Variants in IPO11 observed in about 807,000 individuals in gnomAD.
IPO11 encodes importin 11, also known as importin-11.
Under a neutral mutation model 143.2 loss-of-function variants are expected in IPO11, and 66 were observed. The ratio of observed to expected loss-of-function variants is 0.46; its 90% CI spans 0.38 to 0.57. The LOEUF is 0.57. IPO11 is among the 20% of genes least tolerant of loss of function. IPO11 has a pLI of 0.00. For synonymous variants in IPO11, 385 were observed against 377.8 expected (o/e 1.02, Z -0.22); for missense variants, 1,026 against 1,141.0 (o/e 0.90, Z 1.45).
intron 27 of IPO11, among the ~76,000 whole-genome samples, chr5:62,574,521 A>T (rs534465246): frequency 6.6e-6 from 1 of 152,338 alleles, no homozygotes; most frequent in East Asian, 1.9e-4. Context: ...ATAGGGTCAG[A>T]AGAGAGATTA....
intron 19 of IPO11, among the ~76,000 whole-genome samples, chr5:62,508,547 C>T (rs1001498723): frequency 4.0e-5 from 6 of 151,748 alleles, no homozygotes; most frequent in Admixed American, 2.6e-4. Context: ...CTTCTTCCTT[C>T]TTTCTTTCTT....
At position 62,538,642 on chromosome 5, in the gene IPO11, A is replaced by G. The variant is rs12109582; in HGVS notation, c.2250+1353A>G. ...CCCAGCTATGCTGAACTGTGACTCA[A>G]TTAAACCTCTTTCCTTTATAAATTA... On this transcript the variant is annotated intron_variant, in intron 24 of 29. Transcript: ENST00000325324. Among the ~76,000 whole-genome samples the G allele has an allele frequency of 7.3e-3, 1,108 of 152,340 alleles. 14 individuals carry two copies. The highest frequency in any genetic ancestry group is 0.025 in the African/African-American group (1,040 of 41,580).
intron 1 of IPO11, among the ~76,000 whole-genome samples, chr5:62,431,554 C>T (rs1386365630): frequency 1.3e-5 from 2 of 151,948 alleles, no homozygotes; most frequent in Non-Finnish European, 2.9e-5. Context: ...TGGAATCCTC[C>T]TGCTTAGGAG....
chr5:62,451,840 T>C lies in IPO11; in HGVS notation c.423T>C (p.Asp141=). ...TLIESVKVQD[D]LRQHRALLTF... ...TAGAGTCTGTTAAAGTCCAGGATGA[T>C]CTTCGACAGCACAGAGCATTACTTA... The change falls in exon 5 of 30, where the codon GAT becomes GAC. Residue 141 remains aspartate (D), a synonymous_variant. Coordinates refer to ENST00000325324, the MANE Select transcript of IPO11 (RefSeq NM_016338.5). 6.2e-7 allele frequency: 1 copy of C among 1,613,898 alleles called. No homozygotes were observed.
chr5:62,551,486 G>C (rs374615093), intron 26 of IPO11, 150 bp downstream of exon 26: 21 of 495,244 alleles, frequency 4.2e-5, no homozygotes, highest in East Asian at 2.2e-4. Context: ...TCAATAATTT[G>C]GGGTAGAAAA....
At chr5:62,485,508 T>C in intron 12 of IPO11, 46 bp downstream of exon 12, 1 of 1,399,156 alleles carries the variant, frequency 7.1e-7, no homozygotes, top group Non-Finnish European at 1.0e-6. Context: ...AGCTTAATCT[T>C]TCTAAAGCTC....
At chr5:62,581,934 C>T (rs1159838400) in intron 27 of IPO11, among the ~76,000 whole-genome samples, 2 of 152,052 alleles carry the variant, frequency 1.3e-5, no homozygotes, top group African/African-American at 4.8e-5. Flanking sequence ...GAAATTAGCC[C>T]AGTGAAGAGA....
At chr5:62,430,680 ATTTT>A (rs112091773) in intron 1 of IPO11, among the ~76,000 whole-genome samples, 6 of 140,770 alleles carry the variant, frequency 4.3e-5, no homozygotes, top group African/African-American at 1.3e-4. Flanking sequence ...TAATTACTTA[ATTTT>A]TTTTTTTTTT....
chr5:62,541,426 T>G (rs1483249917), intron 24 of IPO11, among the ~76,000 whole-genome samples: 2 of 151,638 alleles, frequency 1.3e-5, no homozygotes, highest in Non-Finnish European at 2.9e-5. Context: ...ACGCCTGTAA[T>G]CCTAACACCT....
chr5:62,588,152 G>A (rs1744870194), intron 27 of IPO11, among the ~76,000 whole-genome samples: 1 of 151,808 alleles, frequency 6.6e-6, no homozygotes, highest in Non-Finnish European at 1.5e-5. Context: ...CCTCCCTTGT[G>A]ATCATGCTCA....
At chr5:62,479,957 G>A (rs1746124208) in intron 9 of IPO11, among the ~76,000 whole-genome samples, 1 of 152,160 alleles carries the variant, frequency 6.6e-6, no homozygotes, top group Non-Finnish European at 1.5e-5. Context: ...GCTCCCATTT[G>A]TCAATTTTGG....
intron 24 of IPO11, among the ~76,000 whole-genome samples, chr5:62,542,949 AT>A (rs1466820645): frequency 6.6e-6 from 1 of 152,200 alleles, no homozygotes; most frequent in Non-Finnish European, 1.5e-5. Context: ...ATAATAGCTC[AT>A]ACTAGCATTT....
chr5:62,560,081 G>T (rs1301068674), intron 26 of IPO11, among the ~76,000 whole-genome samples: 1 of 152,004 alleles, frequency 6.6e-6, no homozygotes, highest in East Asian at 1.9e-4. Flanking sequence ...ACAATTAAAG[G>T]TACCCTTCCA....
chr5:62,567,745 AG>A (rs1365749181), intron 27 of IPO11, among the ~76,000 whole-genome samples: 2 of 151,240 alleles, frequency 1.3e-5, no homozygotes, highest in Non-Finnish European at 2.9e-5. Context: ...TATTTTTAGT[AG>A]AGACACGGTT....
chr5:62,485,168 TC>T (rs1413786998), intron 11 of IPO11, among the ~76,000 whole-genome samples: 3 of 152,290 alleles, frequency 2.0e-5, no homozygotes, highest in African/African-American at 7.2e-5. Context: ...TGAGCTTTTT[TC>T]CATAAAGAAT....
At chr5:62,567,934 T>C (rs1365315985) in intron 27 of IPO11, among the ~76,000 whole-genome samples, 1 of 150,494 alleles carries the variant, frequency 6.6e-6, no homozygotes, top group Admixed American at 6.7e-5. Flanking sequence ...TTCTCCTCCT[T>C]TGATTGTGTT....
intron 1 of IPO11, among the ~76,000 whole-genome samples, chr5:62,425,219 G>A (rs1031791599): frequency 3.9e-5 from 6 of 152,184 alleles, no homozygotes; most frequent in African/African-American, 7.2e-5. Context: ...GAATTCTAAA[G>A]TTCCTCGCTT....
chr5:62,510,798 C>A (rs1011758177), intron 19 of IPO11, among the ~76,000 whole-genome samples: 31 of 152,006 alleles, frequency 2.0e-4, no homozygotes, highest in Non-Finnish European at 1.5e-4. Context: ...TGCAATGGGG[C>A]TCTCTTGGCT....
chr5:62,504,943 T>G, intron 18 of IPO11, 45 bp downstream of exon 18: 1 of 1,139,956 alleles, frequency 8.8e-7, no homozygotes, highest in Non-Finnish European at 1.3e-6. Flanking sequence ...AAACAATTTC[T>G]GCTTATGTCT....
Sources: allele counts gnomAD v4.1 joint callset (sites outside exome capture counted in the v4.1 genomes callset), GRCh38; gene constraint gnomAD v4.1.1; transcripts MANE v1.5; gene names NCBI Gene and HGNC (gene_info 2026-07-23, HGNC 2026-07-21).